TRIM5: variants seen among roughly 807,000 people sequenced by gnomAD.
TRIM5 encodes tripartite motif-containing protein 5.
Under a neutral mutation model 35.6 loss-of-function variants are expected in TRIM5, and 31 were observed. That is an observed-to-expected ratio of 0.87 (90% CI 0.65 to 1.18). The LOEUF (loss-of-function observed/expected upper bound fraction) is 1.18. TRIM5 is among the 50% of genes most tolerant of loss of function. TRIM5 has a pLI of 0.00. For missense variants in TRIM5, 609 were observed against 591.6 expected (o/e 1.03, Z -0.31); for synonymous variants, 243 against 215.6 (o/e 1.13, Z -1.11).
the TRIM5 span, chr11:5,634,835 C>A: frequency 1.9e-6 from 3 of 1,612,940 alleles, no homozygotes; most frequent in South Asian, 3.3e-5. Flanking sequence ...GTGTCGGAGT[C>A]AGTGGTCAAC....
At chr11:5,630,249 G>T in the TRIM5 span, among the ~76,000 whole-genome samples, 1 of 152,174 alleles carries the variant, frequency 6.6e-6, no homozygotes, top group Non-Finnish European at 1.5e-5. Context: ...TGATGGCGAT[G>T]TGTTTTTTAT....
At chr11:5,603,347 AG>A in the TRIM5 span, 1 of 1,614,070 alleles carries the variant, frequency 6.2e-7, no homozygotes, top group East Asian at 2.2e-5. Context: ...ATACGAGAAG[AG>A]GTGACCTGCC....
At chr11:5,646,979 T>TGCC in the TRIM5 span, among the ~76,000 whole-genome samples, 1 of 152,072 alleles carries the variant, frequency 6.6e-6, no homozygotes, top group African/African-American at 2.4e-5. Context: ...AACAAAACGA[T>TGCC]TTAATGTGTG....
chr11:5,605,468 A>G, the TRIM5 span: 17 of 1,614,096 alleles, frequency 1.1e-5, no homozygotes, highest in Non-Finnish European at 1.4e-5. Context: ...GAATTATAGA[A>G]GAGGCTGAGA....
intron 5 of TRIM5, among the ~76,000 whole-genome samples, chr11:5,667,416 C>A (rs993018273): frequency 4.6e-5 from 7 of 152,058 alleles, no homozygotes; most frequent in Non-Finnish European, 8.8e-5. Context: ...GCCACGTTGG[C>A]CAGGCTAGTC....
chr11:5,599,423 A>G, the TRIM5 span, among the ~76,000 whole-genome samples: 1 of 88,996 alleles, frequency 1.1e-5, no homozygotes, highest in African/African-American at 4.4e-5. Flanking sequence ...ATTTATTTTG[A>G]GACGGAGTCT....
chr11:5,610,249 A>C, the TRIM5 span: 699,306 of 1,613,542 alleles, frequency 0.43, 161,266 homozygotes, highest in Non-Finnish European at 0.48. Flanking sequence ...TGTAGAGGTA[A>C]GGAGATTCAG....
chr11:5,615,882 C>T, the TRIM5 span, among the ~76,000 whole-genome samples: 2 of 151,102 alleles, frequency 1.3e-5, no homozygotes, highest in South Asian at 2.1e-4. Context: ...CGTGAGCCAC[C>T]GTGCCCAGCC....
rs201187247 is a variant in TRIM5 at position 5,665,183 on chromosome 11, C to T, written c.1108G>A (p.Ala370Thr). Residue 370 changes from alanine (A) to threonine (T), a missense_variant, in exon 8 of 8, where the codon GCT becomes ACT. Ala to Thr is a moderately conservative substitution (Grantham distance 58). Coordinates refer to ENST00000380034, the MANE Select transcript of TRIM5 (RefSeq NM_033034.3). ...YWEVDVSKKT[A>T]WILGVCAGFQ... ...CCAGCACATACCCCCAGGATCCAAGCAGTTTTCTTGGACACGTCTACCTCC... is the reference window on the plus strand; with the variant it reads ...CCAGCACATACCCCCAGGATCCAAGTAGTTTTCTTGGACACGTCTACCTCC... 1 of 1,614,016 alleles carries T rather than the reference C, an allele frequency of 6.2e-7. No individual in the cohort carries two copies. The highest frequency in any genetic ancestry group is 1.7e-5 in the Admixed American group (1 of 60,010).
At chr11:5,632,806 A>C in the TRIM5 span, 3 of 1,459,974 alleles carry the variant, frequency 2.1e-6, no homozygotes, top group Non-Finnish European at 2.7e-6. Flanking sequence ...TTGGTGGAAA[A>C]TCTCACCTTT....
At chr11:5,658,268 G>C (rs900348621), downstream of TRIM5, among the ~76,000 whole-genome samples, 3 of 152,214 alleles carry the variant, frequency 2.0e-5, no homozygotes, top group Admixed American at 6.5e-5. Context: ...GCAGAGATTG[G>C]TCGGGGATGT....
chr11:5,592,129 A>G, the TRIM5 span, among the ~76,000 whole-genome samples: 2 of 152,210 alleles, frequency 1.3e-5, no homozygotes, highest in African/African-American at 2.4e-5. Context: ...ATAATAGGAA[A>G]GAAACAAACA....
chr11:5,667,197 A>T (rs1034957770), intron 5 of TRIM5, among the ~76,000 whole-genome samples: 1 of 151,750 alleles, frequency 6.6e-6, no homozygotes, highest in Non-Finnish European at 1.5e-5. Context: ...TCTTTTTTTT[A>T]ATTTTATTTA....
At chr11:5,611,566 G>C in the TRIM5 span, 3 of 462,050 alleles carry the variant, frequency 6.5e-6, no homozygotes, top group Non-Finnish European at 1.1e-5. Flanking sequence ...CGAACCTCCT[G>C]CCTCAGCATC....
At chr11:5,639,673 C>T in the TRIM5 span, among the ~76,000 whole-genome samples, 1 of 58,162 alleles carries the variant, frequency 1.7e-5, no homozygotes, top group Non-Finnish European at 3.1e-5. Flanking sequence ...GAGTGAGACT[C>T]TATTTCAAAA....
chr11:5,677,233 C>T (rs902580064), intron 4 of TRIM5, among the ~76,000 whole-genome samples: 21 of 152,052 alleles, frequency 1.4e-4, no homozygotes, highest in African/African-American at 5.1e-4. Flanking sequence ...CCGGAATCTA[C>T]AATGAACTCA....
chr11:5,628,839 C>T, the TRIM5 span, among the ~76,000 whole-genome samples: 5 of 150,150 alleles, frequency 3.3e-5, no homozygotes, highest in African/African-American at 9.8e-5. Context: ...ATGTGAAAAT[C>T]GGTTCTATTC....
chr11:5,666,077 C>T lies in TRIM5; in HGVS notation c.772G>A (p.Glu258Lys). The T allele has an allele frequency of 6.3e-7, 1 of 1,599,374 alleles. No individual in the cohort carries two copies. The highest frequency in any genetic ancestry group is 8.5e-7 in the Non-Finnish European group (1 of 1,176,040). Residue 258 changes from glutamate to lysine, a missense_variant, in exon 6 of 8, where the codon GAG becomes AAG. Glu to Lys is a moderately conservative substitution (Grantham distance 56). Transcript: ENST00000380034. Reference sequence around the variant, plus strand: ...TCTGGCTTCTTCAAGGTCACGTTCTCCGTCCTAAGAATTAAAAAAAAAAAA... The same window carrying T: ...TCTGGCTTCTTCAAGGTCACGTTCTTCGTCCTAAGAATTAAAAAAAAAAAA... ...QGVDGVIKRT[E>K]NVTLKKPETF...
the TRIM5 span, among the ~76,000 whole-genome samples, chr11:5,624,222 A>G: frequency 6.6e-6 from 1 of 152,320 alleles, no homozygotes; most frequent in African/African-American, 2.4e-5. Flanking sequence ...TACCTGGAAG[A>G]CTTTTCATTT....
Sources: allele counts gnomAD v4.1 joint callset (sites outside exome capture counted in the v4.1 genomes callset), GRCh38; gene constraint gnomAD v4.1.1; transcripts MANE v1.5; gene names NCBI Gene and HGNC (gene_info 2026-07-23, HGNC 2026-07-21).